Variants in FTCDNL1 observed in about 807,000 individuals in gnomAD.
FTCDNL1 encodes the protein formiminotransferase N-terminal subdomain-containing protein.
Under a neutral mutation model 5.9 loss-of-function variants are expected in FTCDNL1, and 11 were observed. That is an observed-to-expected ratio of 1.87 (90% CI 1.18 to 3.10). The LOEUF (loss-of-function observed/expected upper bound fraction) is 3.10. FTCDNL1 is among the 30% of genes most tolerant of loss of function. The probability of loss-of-function intolerance (pLI) is 0.00; values close to 1 mark genes in which losing one functional copy is unlikely to be tolerated. For synonymous variants in FTCDNL1, 58 were observed against 24.8 expected (o/e 2.34, Z -3.99); for missense variants, 115 against 65.5 (o/e 1.76, Z -2.61).
chr2:199,775,964 AG>A (rs1281751844), intron 3 of FTCDNL1, among the ~76,000 whole-genome samples: 2 of 137,984 alleles, frequency 1.4e-5, no homozygotes, highest in Non-Finnish European at 3.0e-5. Flanking sequence ...CCCAGGCTGG[AG>A]TGCAGTGGCG....
the FTCDNL1 span, among the ~76,000 whole-genome samples, chr2:199,745,371 C>T: frequency 1.3e-5 from 2 of 152,194 alleles, no homozygotes; most frequent in Non-Finnish European, 2.9e-5. Flanking sequence ...ACGTGGCTCT[C>T]TATTTGTCCC....
the FTCDNL1 span, among the ~76,000 whole-genome samples, chr2:199,748,811 G>T: frequency 6.2e-4 from 95 of 152,276 alleles, no homozygotes; most frequent in Admixed American, 2.2e-3. Context: ...TACAGGAACT[G>T]CCCTTCGTCC....
the FTCDNL1 span, among the ~76,000 whole-genome samples, chr2:199,676,316 C>T: frequency 6.6e-6 from 1 of 152,074 alleles, no homozygotes. Flanking sequence ...GTTTTTCATA[C>T]TCCAGCATAT....
the FTCDNL1 span, among the ~76,000 whole-genome samples, chr2:199,748,338 GA>G: frequency 6.6e-6 from 1 of 152,124 alleles, no homozygotes; most frequent in African/African-American, 2.4e-5. Flanking sequence ...TTTTAAGACA[GA>G]ACTCTCTCCT....
At chr2:199,744,849 T>C in the FTCDNL1 span, among the ~76,000 whole-genome samples, 2 of 152,252 alleles carry the variant, frequency 1.3e-5, no homozygotes, top group Non-Finnish European at 2.9e-5. Context: ...GCTGATTTCC[T>C]AGAGCTAAGC....
At chr2:199,675,406 T>C in the FTCDNL1 span, among the ~76,000 whole-genome samples, 1 of 152,170 alleles carries the variant, frequency 6.6e-6, no homozygotes, top group Non-Finnish European at 1.5e-5. Flanking sequence ...TGCTGTACTT[T>C]TAAAATATTT....
At chr2:199,763,164 G>A (rs77375617) in intron 3 of FTCDNL1, among the ~76,000 whole-genome samples, 1,683 of 152,258 alleles carry the variant, frequency 0.011, 32 homozygotes, top group African/African-American at 0.037. Flanking sequence ...TTATAGAGAC[G>A]TCATGCAGAG....
the FTCDNL1 span, among the ~76,000 whole-genome samples, chr2:199,712,931 G>T: frequency 2.6e-5 from 4 of 152,266 alleles, no homozygotes; most frequent in South Asian, 2.1e-4. Context: ...TCCAAATAAG[G>T]TCACATTCTG....
intron 3 of FTCDNL1, among the ~76,000 whole-genome samples, chr2:199,820,338 T>C (rs915694705): frequency 1.3e-5 from 2 of 152,132 alleles, no homozygotes; most frequent in African/African-American, 2.4e-5. Flanking sequence ...GGGCAGTGGC[T>C]CACACCTATA....
chr2:199,735,139 C>T, the FTCDNL1 span, among the ~76,000 whole-genome samples: 2 of 117,004 alleles, frequency 1.7e-5, no homozygotes, highest in African/African-American at 6.7e-5. Context: ...AAAAAAACCA[C>T]ATTATTTCTC....
chr2:199,739,649 A>T, the FTCDNL1 span, among the ~76,000 whole-genome samples: 17 of 152,158 alleles, frequency 1.1e-4, no homozygotes, highest in African/African-American at 4.1e-4. Context: ...TCAAAACCAA[A>T]CCAAAACAAA....
intron 3 of FTCDNL1, among the ~76,000 whole-genome samples, chr2:199,824,175 A>G (rs902050298): frequency 2.0e-5 from 3 of 152,226 alleles, no homozygotes; most frequent in East Asian, 1.9e-4. Flanking sequence ...TGCAGCTTCT[A>G]CATCAGCACT....
chr2:199,759,133 T>TTG (rs906184320), downstream of FTCDNL1, among the ~76,000 whole-genome samples: 2 of 149,456 alleles, frequency 1.3e-5, no homozygotes, highest in African/African-American at 2.4e-5. Context: ...GTATATATAT[T>TTG]TGTGTGTGTA....
At chr2:199,710,867 G>A in the FTCDNL1 span, among the ~76,000 whole-genome samples, 1 of 152,214 alleles carries the variant, frequency 6.6e-6, no homozygotes, top group African/African-American at 2.4e-5. Flanking sequence ...AAACCATCCT[G>A]CTCCATATGA....
At chr2:199,787,823 G>A (rs1174086773) in intron 3 of FTCDNL1, among the ~76,000 whole-genome samples, 2 of 147,746 alleles carry the variant, frequency 1.4e-5, no homozygotes, top group African/African-American at 4.9e-5. Context: ...TAAATTCACA[G>A]ATAGTCAATT....
intron 4 of FTCDNL1, among the ~76,000 whole-genome samples, chr2:199,816,555 A>T (rs1163078625): frequency 1.3e-5 from 2 of 152,258 alleles, no homozygotes; most frequent in Non-Finnish European, 2.9e-5. Flanking sequence ...TTTTTCTTAC[A>T]TATAATATAA....
chr2:199,749,135 A>G, the FTCDNL1 span, among the ~76,000 whole-genome samples: 1 of 152,016 alleles, frequency 6.6e-6, no homozygotes, highest in African/African-American at 2.4e-5. Flanking sequence ...CTCATCTTAG[A>G]TATTGTCTCC....
chr2:199,808,394 T>A (rs576502068), downstream of FTCDNL1, among the ~76,000 whole-genome samples: 1 of 152,372 alleles, frequency 6.6e-6, no homozygotes, highest in African/African-American at 2.4e-5. Flanking sequence ...TTTTTAATTA[T>A]AAAACACAAT....
At chr2:199,765,850 T>G (rs1417610144) in intron 3 of FTCDNL1, among the ~76,000 whole-genome samples, 1 of 151,988 alleles carries the variant, frequency 6.6e-6, no homozygotes, top group African/African-American at 2.4e-5. Context: ...GCCTTCATTC[T>G]TTTTTGACTC....
Sources: gnomAD v4.1 joint callset for allele counts (sites outside exome capture counted in the v4.1 genomes callset) on GRCh38, gnomAD v4.1.1 for gene constraint, MANE v1.5 for transcripts, NCBI Gene and HGNC (gene_info 2026-07-23, HGNC 2026-07-21) for gene names.